NDUFA10: variants seen among roughly 807,000 people sequenced by gnomAD.
The protein encoded by NDUFA10 is NADH:ubiquinone oxidoreductase subunit A10.
In NDUFA10, 40 loss-of-function variants were observed where a neutral mutation model predicts 47.8. That is an observed-to-expected ratio of 0.84 (90% CI 0.65 to 1.09). NDUFA10 has a LOEUF of 1.09. NDUFA10 is among the 50% of genes least tolerant of loss of function. The pLI, the probability that NDUFA10 is intolerant of heterozygous loss-of-function variation, is 0.00. For synonymous variants in NDUFA10, 183 were observed against 172.2 expected, an observed-to-expected ratio of 1.06 and a Z score of -0.49; for missense variants, 413 against 451.1, an observed-to-expected ratio of 0.92 and a Z score of 0.76.
Position 239,928,100 on chromosome 2 carries a change from A to C in NDUFA10, c.295-32786T>G, listed in dbSNP as rs1694095594. Among the ~76,000 whole-genome samples, 1 of 152,214 alleles carries C rather than the reference A, an allele frequency of 6.6e-6. No homozygotes were observed. Among genetic ancestry groups the C allele is most frequent in the Admixed American group, 6.5e-5 (1 of 15,284 alleles). ...CTCCCATCCCACATGGGAAAACAGC[A>C]GACCCCAGCACAGCCCCCACCACAA... On this transcript the variant is annotated intron_variant, in intron 4 of 5. Transcript: ENST00000419408. The surrounding 1 kb of genome is among the most constrained non-coding windows in gnomAD (Gnocchi z 4.3).
rs1559303019 is a variant in NDUFA10 at position 239,945,574 on chromosome 2, T to A, written c.294+44500A>T. Among the ~76,000 whole-genome samples, 1 of 152,144 alleles carries A rather than the reference T, an allele frequency of 6.6e-6. No individual in the cohort carries two copies. The highest frequency in any genetic ancestry group is 1.5e-5 in the Non-Finnish European group (1 of 68,008). On this transcript the variant is annotated intron_variant, in intron 4 of 5. Transcript: ENST00000419408. The surrounding 1 kb of genome is among the most constrained non-coding windows in gnomAD (Gnocchi z 4.6). Reference sequence around the variant, plus strand: ...GCCAGGCTGGGAGGATCCTGGGGGCTGAGGCTCCCTCCAGGGAGGACTTGG... The same window carrying A: ...GCCAGGCTGGGAGGATCCTGGGGGCAGAGGCTCCCTCCAGGGAGGACTTGG...
chr2:239,947,584 C>A (rs1313584594), intron 4 of NDUFA10, among the ~76,000 whole-genome samples: 1 of 152,150 alleles, frequency 6.6e-6, no homozygotes. Flanking sequence ...CTCTCTGAGG[C>A]CCAGAGCAAG....
rs770816384 is a variant in NDUFA10, at chr2:239,928,401, A to T, written c.295-33087T>A. Among the ~76,000 whole-genome samples the T allele has an allele frequency of 7.9e-5, 12 of 152,216 alleles. No homozygotes were observed. Among genetic ancestry groups the T allele is most frequent in the Non-Finnish European group, 1.2e-4 (8 of 68,034 alleles). ...TGGAAAGAGAACACAAAGAGGAAAA[A>T]GGAAAACCACTTGCGATCTGAAAAT... On this transcript the variant is annotated intron_variant, in intron 4 of 5. Transcript: ENST00000419408. The surrounding 1 kb of genome is among the most constrained non-coding windows in gnomAD (Gnocchi z 4.3).
At chr2:239,990,848 T>C (rs961534483) in intron 8 of NDUFA10, among the ~76,000 whole-genome samples, 2 of 152,204 alleles carry the variant, frequency 1.3e-5, no homozygotes, top group Non-Finnish European at 2.9e-5. Flanking sequence ...AAATTAAATA[T>C]AGTCTGAATA....
At chr2:240,015,873 G>A (rs984446449) in intron 4 of NDUFA10, among the ~76,000 whole-genome samples, 2 of 152,190 alleles carry the variant, frequency 1.3e-5, no homozygotes, top group Non-Finnish European at 2.9e-5. Flanking sequence ...AAAGGAAATG[G>A]GCTGGGCACA....
chr2:240,025,140 A>G (rs1161530462), intron 1 of NDUFA10, 87 bp downstream of exon 1: 6 of 1,182,690 alleles, frequency 5.1e-6, no homozygotes, highest in Non-Finnish European at 6.7e-6. Context: ...CCGCCGCCAG[A>G]GGCCGGGGGA....
intron 2 of NDUFA10, among the ~76,000 whole-genome samples, chr2:240,021,906 T>A (rs1399181709): frequency 6.6e-6 from 1 of 152,318 alleles, no homozygotes; most frequent in Middle Eastern, 3.4e-3. Flanking sequence ...AGTGCCCTGC[T>A]TACACTGCCC....
At chr2:239,913,367 G>A (rs771925041) in intron 4 of NDUFA10, among the ~76,000 whole-genome samples, 3 of 152,224 alleles carry the variant, frequency 2.0e-5, no homozygotes, top group East Asian at 3.8e-4. Context: ...CTCGGCCCAC[G>A]CAACCTGAGG....
At chr2:239,899,163 T>A (rs1178335548) in intron 4 of NDUFA10, among the ~76,000 whole-genome samples, 2 of 5,528 alleles carry the variant, frequency 3.6e-4, no homozygotes, top group Non-Finnish European at 8.9e-4. Context: ...AGGGGAGTCA[T>A]GGAGGGGTGT....
At chr2:239,961,751 G>A (rs1694860661) in intron 9 of NDUFA10, among the ~76,000 whole-genome samples, 1 of 152,206 alleles carries the variant, frequency 6.6e-6, no homozygotes. Context: ...GCAAAGGAGG[G>A]GGAAGCACTG....
At position 239,948,819 on chromosome 2, in the gene NDUFA10, C is replaced by T. The variant is rs545838449; in HGVS notation, c.294+41255G>A. On this transcript the variant is annotated intron_variant, in intron 4 of 5. Coordinates refer to the NDUFA10 transcript ENST00000419408. Reference sequence around the variant, plus strand: ...CCTCCTTGGGGACTTCACCAAGCCTCGAGCCATCCTGGCCTAGGCAGGAGC... The same window carrying T: ...CCTCCTTGGGGACTTCACCAAGCCTTGAGCCATCCTGGCCTAGGCAGGAGC... Among the ~76,000 whole-genome samples, 9 of 152,346 alleles carry T rather than the reference C, an allele frequency of 5.9e-5. No homozygotes were observed. In the South Asian group the frequency reaches 1.2e-3, roughly 21 times the overall value.
chr2:239,967,865 G>T lies in NDUFA10; in HGVS notation c.1000-6679C>A, dbSNP rs549822434. ...TGGGATCTGTGCCATGAGGGCCAAG[G>T]CCGCACAATGAGGTTTCTCCCAGGC... On this transcript the variant is annotated intron_variant, in intron 9 of 9. Transcript: ENST00000252711. 9.8e-5 allele frequency among the ~76,000 whole-genome samples: 15 copies of T among 152,298 alleles called. No homozygotes were observed. The South Asian group carries it at 3.1e-3, about 32-fold the overall frequency.
intron 9 of NDUFA10, among the ~76,000 whole-genome samples, chr2:239,967,441 G>T (rs1481775207): frequency 6.6e-6 from 1 of 152,236 alleles, no homozygotes; most frequent in Non-Finnish European, 1.5e-5. Context: ...CTGAGCGGCT[G>T]TGAGAGGCTG....
At chr2:239,994,742 A>C (rs1466793431) in intron 8 of NDUFA10, among the ~76,000 whole-genome samples, 1 of 152,146 alleles carries the variant, frequency 6.6e-6, no homozygotes, top group African/African-American at 2.4e-5. Flanking sequence ...TTTTTAAAGC[A>C]AAGTTTTGAA....
rs1166156424 is a variant in NDUFA10 at position 239,987,058 on chromosome 2, G to C, written c.999+3016C>G. Among the ~76,000 whole-genome samples the C allele has an allele frequency of 1.3e-5, 2 of 152,174 alleles. No individual in the cohort carries two copies. The highest frequency in any genetic ancestry group is 2.9e-5 in the Non-Finnish European group (2 of 68,038). On this transcript the variant is annotated intron_variant, in intron 9 of 9. Coordinates refer to ENST00000252711, the MANE Select transcript of NDUFA10 (RefSeq NM_004544.4). The surrounding 1 kb of genome is among the most constrained non-coding windows in gnomAD (Gnocchi z 4.8). ...CCAGATTCAAAGAGATGTAGCAGAG[G>C]AAACAATTCAATGCAGGCCATCACC...
chr2:239,997,040 T>C (rs971089169), intron 8 of NDUFA10, among the ~76,000 whole-genome samples: 4 of 152,138 alleles, frequency 2.6e-5, no homozygotes, highest in African/African-American at 9.6e-5. Flanking sequence ...TATTTTTACA[T>C]TTTTATTATT....
chr2:239,960,405 T>G lies in NDUFA10; in HGVS notation c.*713A>C, dbSNP rs1574811316. 3.0e-6 allele frequency: 3 copies of G among 986,376 alleles called. No individual in the cohort carries two copies. Among genetic ancestry groups the G allele is most frequent in the Non-Finnish European group, 3.6e-6 (3 of 830,606 alleles). The allele number at this position is 986,376 out of a possible 1,614,324, so 61.1% of individuals were successfully genotyped here. A position where few individuals can be genotyped will look rare whatever the true frequency, so the allele number is the denominator to read the frequency against. On this transcript the variant is annotated 3_prime_UTR_variant, in exon 10 of 10. Coordinates refer to ENST00000252711, the MANE Select transcript of NDUFA10 (RefSeq NM_004544.4). ...GAGTATATTATTTTGCTTTTGCATC[T>G]TATGTCATCAACAGCCTAAGCTCAA...
In NDUFA10 at chr2:239,960,691, T is replaced by G. The variant is rs1694816920; in HGVS notation, c.*427A>C. The G allele has an allele frequency of 1.7e-6, 2 of 1,156,132 alleles. No individual in the cohort carries two copies. Among genetic ancestry groups the G allele is most frequent in the Admixed American group, 7.9e-5 (2 of 25,476 alleles). The allele number at this position is 1,156,132 out of a possible 1,614,324, so 71.6% of individuals were successfully genotyped here. Reference sequence around the variant, plus strand: ...GGGCCCAGAGCAGCGTGTGTGCACGTGTGCAGTTTCGACGTGCCCGCACGC... The same window carrying G: ...GGGCCCAGAGCAGCGTGTGTGCACGGGTGCAGTTTCGACGTGCCCGCACGC... On this transcript the variant is annotated 3_prime_UTR_variant, in exon 10 of 10. Transcript: ENST00000252711.
At chr2:239,973,505 A>G (rs1181096820) in intron 9 of NDUFA10, 1 of 470,882 alleles carries the variant, frequency 2.1e-6, no homozygotes, top group African/African-American at 2.0e-5. Flanking sequence ...CAAAAATAGC[A>G]GGCGAGAAAA....
Sources: gnomAD v4.1 joint callset for allele counts (sites outside exome capture counted in the v4.1 genomes callset) on GRCh38, gnomAD v4.1.1 for gene constraint, Gnocchi (gnomAD v3.1) non-coding constraint, MANE v1.5 for transcripts, NCBI Gene and HGNC (gene_info 2026-07-23, HGNC 2026-07-21) for gene names.